The following TENM3 variants were observed in gnomAD, a reference collection of about 807,000 sequenced individuals.
The protein encoded by TENM3 is teneurin transmembrane protein 3, also known as teneurin-3.
In TENM3, 63 loss-of-function variants were observed where a neutral mutation model predicts 255.1. The ratio of observed to expected loss-of-function variants is 0.25; its 90% CI spans 0.20 to 0.30. The LOEUF (loss-of-function observed/expected upper bound fraction) is 0.30. Ranked by LOEUF, TENM3 falls within the 10% of genes least tolerant of loss-of-function variation. The pLI, the probability that TENM3 is intolerant of heterozygous loss-of-function variation, is 1.00. For missense variants in TENM3, 2,929 were observed against 3,461.1 expected (o/e 0.85, Z 3.86); for synonymous variants, 1,306 against 1,322.3 (o/e 0.99, Z 0.27).
the TENM3 span, among the ~76,000 whole-genome samples, chr4:181,564,724 A>C: frequency 7.9e-3 from 1,210 of 152,326 alleles, 25 homozygotes; most frequent in African/African-American, 0.028. Context: ...AGTTAAACCC[A>C]GTCAATCACT....
upstream of TENM3, chr4:182,144,219 C>CGG (rs1008641037): frequency 2.6e-5 from 4 of 152,408 alleles, no homozygotes; most frequent in African/African-American, 7.3e-5. Context: ...CACACACACA[C>CGG]ACACACACGG....
intron 1 of TENM3, among the ~76,000 whole-genome samples, chr4:182,321,882 T>A (rs1763074983): frequency 6.6e-6 from 1 of 151,596 alleles, no homozygotes; most frequent in Admixed American, 6.6e-5. Context: ...GAGGCGGAGG[T>A]TGCAGTGAGC....
At chr4:182,203,550 G>A (rs1754343842) in intron 1 of TENM3, among the ~76,000 whole-genome samples, 2 of 152,180 alleles carry the variant, frequency 1.3e-5, no homozygotes, top group Non-Finnish European at 2.9e-5. Context: ...TCCTGTTTCT[G>A]GGGCCAAGAG....
chr4:181,600,762 G>A, the TENM3 span, among the ~76,000 whole-genome samples: 74 of 151,016 alleles, frequency 4.9e-4, no homozygotes, highest in African/African-American at 1.7e-3. Context: ...ACTTGTGATG[G>A]TACCTGGTGA....
the TENM3 span, among the ~76,000 whole-genome samples, chr4:182,068,095 A>G: frequency 9.9e-5 from 15 of 152,284 alleles, no homozygotes; most frequent in African/African-American, 3.4e-4. Flanking sequence ...AGACTCAGAG[A>G]GTTCCGATAG....
chr4:181,546,149 G>C, the TENM3 span, among the ~76,000 whole-genome samples: 1 of 152,136 alleles, frequency 6.6e-6, no homozygotes, highest in Non-Finnish European at 1.5e-5. Flanking sequence ...ATGATAGTGT[G>C]CGTGTGAGTG....
the TENM3 span, among the ~76,000 whole-genome samples, chr4:181,791,031 G>C: frequency 3.9e-5 from 6 of 152,162 alleles, no homozygotes; most frequent in African/African-American, 1.2e-4. Flanking sequence ...TGCTTTCATG[G>C]GGCATGTACA....
intron 1 of TENM3, among the ~76,000 whole-genome samples, chr4:182,211,980 A>G (rs1362683706): frequency 6.6e-6 from 1 of 152,200 alleles, no homozygotes; most frequent in Admixed American, 6.5e-5. Flanking sequence ...CACGTGTGAC[A>G]TACAGCAAAT....
chr4:181,778,575 C>T, the TENM3 span, among the ~76,000 whole-genome samples: 18 of 152,154 alleles, frequency 1.2e-4, no homozygotes, highest in Non-Finnish European at 1.8e-4. Context: ...TGGCCACTTT[C>T]TCCTAATGTT....
chr4:181,614,631 T>C, the TENM3 span, among the ~76,000 whole-genome samples: 1 of 152,224 alleles, frequency 6.6e-6, no homozygotes, highest in Non-Finnish European at 1.5e-5. Flanking sequence ...CAATGTGAGC[T>C]TACCACATTT....
chr4:182,213,886 C>G (rs1047935856), intron 1 of TENM3, among the ~76,000 whole-genome samples: 2 of 152,084 alleles, frequency 1.3e-5, no homozygotes, highest in Non-Finnish European at 2.9e-5. Context: ...ACTGCAAGCT[C>G]TGCCTCCTGG....
chr4:181,972,157 C>G, the TENM3 span, among the ~76,000 whole-genome samples: 59 of 152,100 alleles, frequency 3.9e-4, no homozygotes, highest in Non-Finnish European at 7.8e-4. Flanking sequence ...TGTGGTGACT[C>G]ACATCTGCAA....
At chr4:181,582,793 C>T in the TENM3 span, among the ~76,000 whole-genome samples, 1 of 152,114 alleles carries the variant, frequency 6.6e-6, no homozygotes, top group Non-Finnish European at 1.5e-5. Context: ...CTGCCCCCTA[C>T]TGGTAGCCAA....
the TENM3 span, among the ~76,000 whole-genome samples, chr4:181,486,718 T>G: frequency 1.3e-5 from 2 of 152,276 alleles, no homozygotes; most frequent in Non-Finnish European, 2.9e-5. Flanking sequence ...TTTTCAGAGG[T>G]GCATAGTCTT....
chr4:182,398,589 G>A (rs1769011932), intron 3 of TENM3, among the ~76,000 whole-genome samples: 2 of 152,314 alleles, frequency 1.3e-5, no homozygotes, highest in South Asian at 2.1e-4. Context: ...TGAGTCGCAT[G>A]CAGATAGGAG....
At chr4:182,286,876 A>C (rs575408297) in intron 1 of TENM3, among the ~76,000 whole-genome samples, 1 of 152,238 alleles carries the variant, frequency 6.6e-6, no homozygotes, top group Admixed American at 6.5e-5. Flanking sequence ...TTTTGGAAAC[A>C]CATCAGATTA....
In TENM3 at chr4:182,590,950, T is replaced by C. The variant is rs538759084; in HGVS notation, c.512-9974T>C. On this transcript the variant is annotated intron_variant, in intron 3 of 27. Coordinates refer to ENST00000511685, the MANE Select transcript of TENM3 (RefSeq NM_001080477.4). ...CCAGCTTACCTGCACTTTACGTTTT[T>C]TCTCTTCCCTCTGCTTTTGGCTTAT... Among the ~76,000 whole-genome samples the C allele has an allele frequency of 5.9e-5, 9 of 152,350 alleles. No individual in the cohort carries two copies. The South Asian group carries it at 1.7e-3, about 28-fold the overall frequency.
the TENM3 span, among the ~76,000 whole-genome samples, chr4:181,947,035 C>T: frequency 6.6e-6 from 1 of 152,130 alleles, no homozygotes; most frequent in Non-Finnish European, 1.5e-5. Flanking sequence ...ATGCTCAGAG[C>T]TTTGACTTCC....
chr4:182,258,151 A>G (rs1758546055), intron 1 of TENM3, among the ~76,000 whole-genome samples: 2 of 152,152 alleles, frequency 1.3e-5, no homozygotes, highest in African/African-American at 4.8e-5. Context: ...ATATACTTCC[A>G]GTCCTTTTTA....
Sources: gnomAD v4.1 joint callset for allele counts (sites outside exome capture counted in the v4.1 genomes callset) on GRCh38, gnomAD v4.1.1 for gene constraint, MANE v1.5 for transcripts, NCBI Gene and HGNC (gene_info 2026-07-23, HGNC 2026-07-21) for gene names.